ABCC8: variants seen among roughly 807,000 people sequenced by gnomAD.
ABCC8 encodes ATP-binding cassette sub-family C member 8.
Under a neutral mutation model 188.0 loss-of-function variants are expected in ABCC8, and 137 were observed. The ratio of observed to expected loss-of-function variants is 0.73; its 90% confidence interval spans 0.63 to 0.84. The LOEUF is 0.84. Ranked by LOEUF, ABCC8 falls within the 40% of genes least tolerant of loss-of-function variation. The pLI is 0.00. For synonymous variants in ABCC8, 797 were observed against 846.5 expected (o/e 0.94, Z 1.01); for missense variants, 1,750 against 2,072.7 (o/e 0.84, Z 3.02).
rs190889435 is a variant in ABCC8, at chr11:17,396,061, T to C, written c.4120-131A>G. 3,082 of 1,517,730 alleles carry C rather than the reference T, an allele frequency of 2.0e-3. 10 individuals carry two copies. Among genetic ancestry groups the C allele is most frequent in the South Asian group, 4.8e-3 (389 of 81,220 alleles). The allele number at this position is 1,517,730 out of a possible 1,614,324, so 94.0% of individuals were successfully genotyped here. Reference sequence around the variant, plus strand: ...CTTTTTGGCCTGGTTTTCTGACTAGTTTCTCTTTGGACACCACAGGTTTGG... The same window carrying C: ...CTTTTTGGCCTGGTTTTCTGACTAGCTTCTCTTTGGACACCACAGGTTTGG... On this transcript the variant is annotated intron_variant, in intron 33 of 38. Transcript: ENST00000389817.
chr11:17,425,315 ACAC>A (rs1955531553), intron 16 of ABCC8, among the ~76,000 whole-genome samples: 1 of 152,208 alleles, frequency 6.6e-6, no homozygotes, highest in Admixed American at 6.5e-5. Context: ...TCTTTTGGAT[ACAC>A]CATTCAGGGA....
Position 17,476,790 on chromosome 11 carries a change from C to T in ABCC8, c.-14G>A. The T allele has an allele frequency of 6.5e-7, 1 of 1,540,884 alleles. No individual in the cohort carries two copies. Among genetic ancestry groups the T allele is most frequent in the Non-Finnish European group, 8.7e-7 (1 of 1,143,592 alleles). ...GGCCAGGGGCATGGCGGCGCGGGCGCGGGCTGGGCTCGGGCTCAGCTGGCT... is the reference window on the plus strand; with the variant it reads ...GGCCAGGGGCATGGCGGCGCGGGCGTGGGCTGGGCTCGGGCTCAGCTGGCT... On this transcript the variant is annotated 5_prime_UTR_variant, in exon 1 of 39. Transcript: ENST00000389817.
At chr11:17,398,877 C>T (rs773567366) in intron 29 of ABCC8, 7 of 273,578 alleles carry the variant, frequency 2.6e-5, no homozygotes, top group East Asian at 9.1e-5. Flanking sequence ...TTCCTGAATA[C>T]GTCTACCTGC....
Position 17,417,177 on chromosome 11 carries a change from T to C in ABCC8, c.2223-215A>G, listed in dbSNP as rs369479390. ...TGGGTACCCTCCAAATAGCATGTGC[T>C]AAATCAGCGTTCCTGGCATTGACTC... is the stretch of plus-strand genomic sequence containing the variant. On this transcript the variant is annotated intron_variant, in intron 16 of 38. Transcript: ENST00000389817. 3.5e-4 allele frequency: 231 copies of C among 660,120 alleles called. 2 individuals carry two copies. In the South Asian group the frequency reaches 0.014, roughly 40 times the overall value. The allele number at this position is 660,120 out of a possible 1,614,324, so 40.9% of individuals were successfully genotyped here.
rs557928879 is a variant in ABCC8 at position 17,401,976 on chromosome 11, C to T, written c.3650+685G>A. 6.6e-5 allele frequency among the ~76,000 whole-genome samples: 10 copies of T among 152,314 alleles called. No homozygotes were observed. The South Asian group carries it at 1.7e-3, about 25-fold the overall frequency. ...GTCTCTCTTCTATGCTCCCACAGCC[C>T]TTGAATCCGCTTTTTTCAGAATACT... On this transcript the variant is annotated intron_variant, in intron 29 of 38. Transcript: ENST00000389817.
Position 17,427,258 on chromosome 11 carries a change from T to A in ABCC8, c.2117-104A>T. The A allele has an allele frequency of 2.2e-6, 3 of 1,378,752 alleles. No individual in the cohort carries two copies. The highest frequency in any genetic ancestry group is 1.9e-6 in the Non-Finnish European group (2 of 1,067,954). 85.4% of individuals were successfully genotyped at this position (1,378,752 alleles called of 1,614,324 possible). On this transcript the variant is annotated intron_variant, in intron 15 of 38. Coordinates refer to ENST00000389817, the MANE Select transcript of ABCC8 (RefSeq NM_000352.6). The surrounding 1 kb of genome is among the most constrained non-coding windows in gnomAD (Gnocchi z 5.0). ...GATGCACCCAACCCTGGGGCCCCTG[T>A]TTTCTTTCTTCCTACCTAGAATCCC...
intron 8 of ABCC8, among the ~76,000 whole-genome samples, chr11:17,443,909 G>C (rs1956422654): frequency 6.6e-6 from 1 of 152,096 alleles, no homozygotes; most frequent in Non-Finnish European, 1.5e-5. Context: ...AGTGTAAATG[G>C]CCAGTCCCCA....
At chr11:17,397,615 C>G in intron 31 of ABCC8, 69 bp downstream of exon 31, 1 of 1,552,366 alleles carries the variant, frequency 6.4e-7, no homozygotes. Context: ...TCTCATGTCT[C>G]CAGTGACGAA....
chr11:17,430,112 C>T (rs966692879), intron 12 of ABCC8: 5 of 155,798 alleles, frequency 3.2e-5, no homozygotes, highest in Non-Finnish European at 7.1e-5. Flanking sequence ...ATGACAGGCT[C>T]TTGCTTTCAA....
At chr11:17,396,116 G>A (rs1953914206) in intron 33 of ABCC8, 186 bp from the exon 34 acceptor site, 1 of 1,362,138 alleles carries the variant, frequency 7.3e-7, no homozygotes, top group East Asian at 2.5e-5. Flanking sequence ...TCCAGAGAGG[G>A]CTTACACAGG....
rs1848681790 is a variant in ABCC8, at chr11:17,474,985, G to A, written c.191C>T (p.Thr64Ile). 6.2e-7 allele frequency: 1 copy of A among 1,614,184 alleles called. No individual in the cohort carries two copies. Among genetic ancestry groups the A allele is most frequent in the East Asian group, 2.2e-5 (1 of 44,872 alleles). The change falls in exon 2 of 39, where the codon ACA (threonine) becomes ATA (isoleucine). Residue 64 changes from threonine (T) to isoleucine (I), a missense_variant. Transcript: ENST00000389817. ...QSSKVHIHHS[T>I]WLHFPGHNLR... ...GTTGTGCCCAGGGAAATGAAGCCAT[G>A]TGCTGTGGTGGATGTGCACCTTGGA...
chr11:17,449,081 C>A (rs1358040339), intron 7 of ABCC8, among the ~76,000 whole-genome samples: 1 of 152,172 alleles, frequency 6.6e-6, no homozygotes, highest in Non-Finnish European at 1.5e-5. Flanking sequence ...CACGTGCCTA[C>A]CATGCCCAGC....
intron 7 of ABCC8, among the ~76,000 whole-genome samples, chr11:17,451,196 C>A (rs1215433583): frequency 6.6e-6 from 1 of 152,148 alleles, no homozygotes; most frequent in East Asian, 1.9e-4. Context: ...ACTGCCCAAC[C>A]ACAAAAGTGG....
chr11:17,401,295 C>T (rs1954228128), intron 29 of ABCC8, among the ~76,000 whole-genome samples: 1 of 152,202 alleles, frequency 6.6e-6, no homozygotes, highest in Admixed American at 6.5e-5. Flanking sequence ...GAGTCATAAT[C>T]CAGTCCCCAG....
At chr11:17,450,238 TTTTCTTTTTCTTTCTTTC>T (rs1353390414) in intron 7 of ABCC8, among the ~76,000 whole-genome samples, 4 of 64,074 alleles carry the variant, frequency 6.2e-5, no homozygotes, top group Non-Finnish European at 1.2e-4. Flanking sequence ...AACTCCTTTC[TTTTCTTTTTCTTTCTTTC>T]TTTCTCTTTC....
chr11:17,426,925 G>T, intron 16 of ABCC8, 124 bp downstream of exon 16: 1 of 1,082,996 alleles, frequency 9.2e-7, no homozygotes, highest in Non-Finnish European at 1.3e-6. Context: ...TCCATTAGCA[G>T]CATTTATTGA....
In ABCC8 at chr11:17,392,990, G is replaced by T; in HGVS notation, c.*1C>A. 1 of 1,614,098 alleles carries T rather than the reference G, an allele frequency of 6.2e-7. No individual in the cohort carries two copies. Among genetic ancestry groups the T allele is most frequent in the Non-Finnish European group, 8.5e-7 (1 of 1,180,040 alleles). Reference sequence around the variant, plus strand: ...TGGGATGGCACTTGGGCTCTGGCAGGTCACTTGTCTGCACGGACGAAGGAG... The same window carrying T: ...TGGGATGGCACTTGGGCTCTGGCAGTTCACTTGTCTGCACGGACGAAGGAG... On this transcript the variant is annotated 3_prime_UTR_variant, in exon 39 of 39. Transcript: ENST00000389817.
chr11:17,464,333 G>C (rs1405148628), intron 3 of ABCC8, among the ~76,000 whole-genome samples: 1 of 152,216 alleles, frequency 6.6e-6, no homozygotes, highest in Non-Finnish European at 1.5e-5. Context: ...TGGAGCAGGG[G>C]CATGGGGGAT....
intron 10 of ABCC8, among the ~76,000 whole-genome samples, chr11:17,439,619 C>T (rs1422058662): frequency 2.6e-5 from 4 of 151,692 alleles, no homozygotes; most frequent in African/African-American, 4.8e-5. Context: ...TGCTGACTAA[C>T]GGAGGGAAAA....
Sources: allele counts gnomAD v4.1 joint callset (sites outside exome capture counted in the v4.1 genomes callset), GRCh38; gene constraint gnomAD v4.1.1; non-coding constraint Gnocchi (gnomAD v3.1); transcripts MANE v1.5; gene names NCBI Gene and HGNC (gene_info 2026-07-23, HGNC 2026-07-21).